Variants in STARD13 observed in about 807,000 individuals in gnomAD.
STARD13 encodes stAR-related lipid transfer protein 13.
In STARD13, 62 loss-of-function variants were observed where a neutral mutation model predicts 106.4. The ratio of observed to expected loss-of-function variants is 0.58; its 90% CI spans 0.48 to 0.72. The LOEUF is 0.72. Among genes scored for constraint, STARD13 ranks in the 30% least tolerant of loss-of-function variants. The pLI is 0.00. For synonymous variants in STARD13, 565 were observed against 553.0 expected (o/e 1.02, Z -0.31); for missense variants, 1,387 against 1,424.0 (o/e 0.97, Z 0.42).
chr13:33,400,708 C>T, the STARD13 span, among the ~76,000 whole-genome samples: 19 of 152,240 alleles, frequency 1.2e-4, no homozygotes, highest in Admixed American at 7.2e-4. Flanking sequence ...CGTGATCCGC[C>T]CGCCTTGGCC....
chr13:33,520,998 T>C, the STARD13 span, among the ~76,000 whole-genome samples: 1 of 152,092 alleles, frequency 6.6e-6, no homozygotes, highest in African/African-American at 2.4e-5. Flanking sequence ...TGAGCACAGG[T>C]GGCCTTGAAA....
At chr13:33,398,212 C>G in the STARD13 span, among the ~76,000 whole-genome samples, 1 of 152,220 alleles carries the variant, frequency 6.6e-6, no homozygotes, top group Non-Finnish European at 1.5e-5. Flanking sequence ...ACAAGTCTTG[C>G]AGTCAGCCTT....
chr13:33,185,473 G>C (rs1405084479), intron 1 of STARD13, among the ~76,000 whole-genome samples: 1 of 152,052 alleles, frequency 6.6e-6, no homozygotes, highest in African/African-American at 2.4e-5. Context: ...AATTCTCCAT[G>C]GTTCTCAAAT....
the STARD13 span, chr13:33,611,043 C>T: frequency 6.6e-6 from 1 of 152,362 alleles, no homozygotes; most frequent in Admixed American, 6.5e-5. Context: ...GAAACAGCAA[C>T]ATCCTCAGAA....
chr13:33,320,164 A>G (rs1208100325), intron 1 of STARD13, among the ~76,000 whole-genome samples: 2 of 152,204 alleles, frequency 1.3e-5, no homozygotes, highest in Admixed American at 6.5e-5. Flanking sequence ...GCAGATAGAG[A>G]TGTGTTTTGT....
Position 33,167,633 on chromosome 13 carries a change from CAA to C in STARD13, c.170-13_170-12del. ...CTTTTGCCTCAATTTCTGAAAAACA[CAA>C]GAGAGATAAAATTGTGAGTCCCACA... On this transcript the variant is annotated splice_polypyrimidine_tract_variant and intron_variant, in intron 1 of 13. Transcript: ENST00000336934. 6.2e-7 allele frequency: 1 copy of C among 1,613,902 alleles called. No homozygotes were observed.
chr13:33,533,363 A>T, the STARD13 span, among the ~76,000 whole-genome samples: 1 of 152,188 alleles, frequency 6.6e-6, no homozygotes, highest in Non-Finnish European at 1.5e-5. Context: ...AGGTAAGATT[A>T]TGAAGCTATG....
chr13:33,290,672 T>A (rs984132691), upstream of STARD13, among the ~76,000 whole-genome samples: 3 of 152,238 alleles, frequency 2.0e-5, no homozygotes, highest in African/African-American at 7.2e-5. Context: ...TGCATTCCCA[T>A]CTATGGGCCT....
the STARD13 span, among the ~76,000 whole-genome samples, chr13:33,553,837 C>G: frequency 7.2e-5 from 11 of 152,034 alleles, no homozygotes; most frequent in Non-Finnish European, 1.6e-4. Flanking sequence ...CTCAGCCTCC[C>G]AAAGTGCTGG....
chr13:33,289,701 A>G (rs1185132289), upstream of STARD13, among the ~76,000 whole-genome samples: 2 of 152,174 alleles, frequency 1.3e-5, no homozygotes, highest in Admixed American at 1.3e-4. Flanking sequence ...CTACATGGAA[A>G]TATGGGTATG....
intron 1 of STARD13, among the ~76,000 whole-genome samples, chr13:33,216,964 T>G (rs1888081385): frequency 6.6e-6 from 1 of 152,198 alleles, no homozygotes; most frequent in African/African-American, 2.4e-5. Flanking sequence ...GCCTTTAGTT[T>G]TGGGTTAAAT....
the STARD13 span, among the ~76,000 whole-genome samples, chr13:33,670,454 T>G: frequency 6.6e-6 from 1 of 152,224 alleles, no homozygotes; most frequent in African/African-American, 2.4e-5. Context: ...CCTAAAGTCT[T>G]ATTTCACAAG....
At chr13:33,231,214 G>C (rs916201544) in intron 1 of STARD13, among the ~76,000 whole-genome samples, 67 of 152,146 alleles carry the variant, frequency 4.4e-4, no homozygotes, top group African/African-American at 1.4e-3. Flanking sequence ...TGGAGATGAG[G>C]GGCTGGTCAG....
At chr13:33,162,455 T>C (rs1166610819) in intron 3 of STARD13, among the ~76,000 whole-genome samples, 2 of 152,224 alleles carry the variant, frequency 1.3e-5, no homozygotes, top group African/African-American at 4.8e-5. Flanking sequence ...CCTCAGAAAA[T>C]GTGTTTTTCT....
the STARD13 span, among the ~76,000 whole-genome samples, chr13:33,433,151 G>A: frequency 3.9e-5 from 6 of 152,130 alleles, no homozygotes; most frequent in Non-Finnish European, 7.3e-5. Context: ...ATTGAAGAAA[G>A]TATTGATTAT....
chr13:33,284,459 A>G (rs957795284), intron 1 of STARD13, among the ~76,000 whole-genome samples: 4 of 152,184 alleles, frequency 2.6e-5, no homozygotes, highest in Admixed American at 6.5e-5. Context: ...TTCCTGGTTA[A>G]CTTATTTAGC....
At chr13:33,672,253 A>G in the STARD13 span, among the ~76,000 whole-genome samples, 2 of 152,200 alleles carry the variant, frequency 1.3e-5, no homozygotes, top group Non-Finnish European at 2.9e-5. Context: ...TTCTCAGCAA[A>G]CTAACACAGG....
the STARD13 span, among the ~76,000 whole-genome samples, chr13:33,494,835 G>A: frequency 6.6e-6 from 1 of 151,938 alleles, no homozygotes; most frequent in Non-Finnish European, 1.5e-5. Flanking sequence ...ACAATGTCAC[G>A]GTTTTCTTTG....
At chr13:33,600,006 G>A in the STARD13 span, among the ~76,000 whole-genome samples, 25 of 152,224 alleles carry the variant, frequency 1.6e-4, no homozygotes, top group African/African-American at 5.3e-4. Flanking sequence ...TTACAACTAC[G>A]TGATCAAACT....
Sources: allele counts gnomAD v4.1 joint callset (sites outside exome capture counted in the v4.1 genomes callset), GRCh38; gene constraint gnomAD v4.1.1; transcripts MANE v1.5; gene names NCBI Gene and HGNC (gene_info 2026-07-23, HGNC 2026-07-21).